Variants in TRPC4 observed in about 807,000 individuals in gnomAD.
TRPC4 encodes the protein transient receptor potential cation channel subfamily C member 4, also known as short transient receptor potential channel 4.
Under a neutral mutation model 99.4 loss-of-function variants are expected in TRPC4, and 49 were observed. That is an observed-to-expected ratio of 0.49 (90% CI 0.39 to 0.63). TRPC4 has a LOEUF of 0.63. Among genes scored for constraint, TRPC4 ranks in the 20% least tolerant of loss-of-function variants. The probability of loss-of-function intolerance (pLI) is 0.00; values close to 1 mark genes in which losing one functional copy is unlikely to be tolerated. For missense variants in TRPC4, 898 were observed against 1,152.9 expected (o/e 0.78, Z 3.20); for synonymous variants, 454 against 425.9 (o/e 1.07, Z -0.81).
At chr13:37,696,416 TAAATC>T (rs1190617805) in intron 3 of TRPC4, among the ~76,000 whole-genome samples, 8 of 152,056 alleles carry the variant, frequency 5.3e-5, no homozygotes, top group African/African-American at 1.9e-4. Flanking sequence ...ATAAAACAAA[TAAATC>T]AAAAATAACT....
At chr13:37,659,930 C>G (rs9566248) in intron 6 of TRPC4, among the ~76,000 whole-genome samples, 1 of 151,706 alleles carries the variant, frequency 6.6e-6, no homozygotes, top group Non-Finnish European at 1.5e-5. Flanking sequence ...TGATAAATTC[C>G]CTTTGATTGA....
intron 1 of TRPC4, among the ~76,000 whole-genome samples, chr13:37,789,132 A>G (rs889832251): frequency 6.6e-6 from 1 of 152,158 alleles, no homozygotes; most frequent in Non-Finnish European, 1.5e-5. Context: ...AAAGGCTGAT[A>G]ACCATTCACA....
rs533826872 is a variant in TRPC4, at chr13:37,807,087, T to C, written c.-27-23727A>G. Among the ~76,000 whole-genome samples the C allele has an allele frequency of 8.9e-4, 136 of 152,190 alleles. 1 individual carries two copies. Among genetic ancestry groups the C allele is most frequent in the Middle Eastern group, 3.4e-3 (1 of 294 alleles). ...CTGGGGCATCTTAAAAAATTGAACT[T>C]ACTATATGGCCAACTTCTTTCCCTG... is the stretch of plus-strand genomic sequence containing the variant. On this transcript the variant is annotated intron_variant, in intron 1 of 10. Coordinates refer to ENST00000379705, the MANE Select transcript of TRPC4 (RefSeq NM_016179.4).
intron 1 of TRPC4, among the ~76,000 whole-genome samples, chr13:37,794,805 C>A (rs1381869801): frequency 6.6e-6 from 1 of 152,112 alleles, no homozygotes; most frequent in Non-Finnish European, 1.5e-5. Context: ...GATTTTTCTG[C>A]TCTTCCTCAT....
chr13:37,741,519 C>A (rs1955588683), intron 3 of TRPC4, among the ~76,000 whole-genome samples: 1 of 152,074 alleles, frequency 6.6e-6, no homozygotes, highest in Admixed American at 6.6e-5. Flanking sequence ...AAGGGAGCAA[C>A]CTTAAACCTT....
chr13:37,839,845 C>T (rs1236011375), intron 1 of TRPC4, among the ~76,000 whole-genome samples: 1 of 152,146 alleles, frequency 6.6e-6, no homozygotes, highest in African/African-American at 2.4e-5. Flanking sequence ...GTGTCTGTCA[C>T]AGAAAAATTA....
Position 37,635,175 on chromosome 13 carries a change from A to G in TRPC4, c.*1728T>C, listed in dbSNP as rs1235717660. On this transcript the variant is annotated 3_prime_UTR_variant, in exon 11 of 11. Transcript: ENST00000379705. ...TACCAAACTCATTCTCTCTCAAGGT[A>G]TAGGACTTCAGAAGTGGCAATTGTA... Among the ~76,000 whole-genome samples, 1 of 152,116 alleles carries G rather than the reference A, an allele frequency of 6.6e-6. No homozygotes were observed. Among genetic ancestry groups the G allele is most frequent in the East Asian group, 1.9e-4 (1 of 5,192 alleles).
chr13:37,752,990 ACG>A (rs1955977797), intron 2 of TRPC4, among the ~76,000 whole-genome samples: 2 of 142,570 alleles, frequency 1.4e-5, no homozygotes, highest in South Asian at 4.5e-4. Flanking sequence ...ACACACACAC[ACG>A]CACACACACA....
chr13:37,719,991 A>C (rs983178516), intron 3 of TRPC4, among the ~76,000 whole-genome samples: 16 of 152,218 alleles, frequency 1.1e-4, no homozygotes, highest in Admixed American at 3.3e-4. Context: ...AGTGTTCTTA[A>C]AAGATGGAAG....
intron 4 of TRPC4, among the ~76,000 whole-genome samples, chr13:37,682,584 G>A (rs1489553129): frequency 6.6e-6 from 1 of 152,114 alleles, no homozygotes; most frequent in Non-Finnish European, 1.5e-5. Flanking sequence ...ACAGAAAATT[G>A]TAGCCAAACT....
chr13:37,683,317 G>A (rs1440547382), intron 4 of TRPC4, among the ~76,000 whole-genome samples: 2 of 152,130 alleles, frequency 1.3e-5, no homozygotes, highest in Non-Finnish European at 2.9e-5. Context: ...TTTGGCCATA[G>A]GGTAGCCCAT....
At chr13:37,760,669 C>A (rs1417450047) in intron 2 of TRPC4, among the ~76,000 whole-genome samples, 1 of 151,880 alleles carries the variant, frequency 6.6e-6, no homozygotes, top group Non-Finnish European at 1.5e-5. Context: ...GAATGCAGCC[C>A]AACACAAATT....
chr13:37,671,565 A>G (rs1952841921), intron 5 of TRPC4, among the ~76,000 whole-genome samples: 2 of 136,618 alleles, frequency 1.5e-5, no homozygotes, highest in Admixed American at 8.0e-5. Context: ...GAAAGAAAGC[A>G]AAGACAAAAG....
intron 1 of TRPC4, among the ~76,000 whole-genome samples, chr13:37,867,075 G>A (rs1459759945): frequency 6.6e-6 from 1 of 151,462 alleles, no homozygotes; most frequent in Non-Finnish European, 1.5e-5. Context: ...GATGGTTTTG[G>A]AAAAAGGAAA....
At chr13:37,745,470 A>ACGTATATATG (rs1955730943) in intron 3 of TRPC4, among the ~76,000 whole-genome samples, 2 of 1,828 alleles carry the variant, frequency 1.1e-3, no homozygotes, top group Non-Finnish European at 1.9e-3. Flanking sequence ...ATATATATAT[A>ACGTATATATG]TATACACACA....
At chr13:37,795,228 A>G (rs563190693) in intron 1 of TRPC4, among the ~76,000 whole-genome samples, 2 of 152,162 alleles carry the variant, frequency 1.3e-5, no homozygotes, top group Admixed American at 1.3e-4. Context: ...TTGTTCTGGC[A>G]TATTCTGTGT....
chr13:37,694,699 G>T (rs1183373894), intron 3 of TRPC4, among the ~76,000 whole-genome samples: 1 of 152,002 alleles, frequency 6.6e-6, no homozygotes, highest in African/African-American at 2.4e-5. Flanking sequence ...CTTAGTAAAT[G>T]AACAGTATAC....
intron 1 of TRPC4, among the ~76,000 whole-genome samples, chr13:37,811,391 A>G (rs1257109508): frequency 6.6e-6 from 1 of 152,154 alleles, no homozygotes; most frequent in African/African-American, 2.4e-5. Flanking sequence ...TGAGCAACAG[A>G]GGGAAAAAGA....
At chr13:37,731,195 T>A (rs995232108) in intron 3 of TRPC4, among the ~76,000 whole-genome samples, 1 of 152,048 alleles carries the variant, frequency 6.6e-6, no homozygotes, top group African/African-American at 2.4e-5. Context: ...TTCGAAATAA[T>A]CTATTATTAG....
Sources: allele counts gnomAD v4.1 joint callset (sites outside exome capture counted in the v4.1 genomes callset), GRCh38; gene constraint gnomAD v4.1.1; transcripts MANE v1.5; gene names NCBI Gene and HGNC (gene_info 2026-07-23, HGNC 2026-07-21).